Variants in SOX6 observed in about 807,000 individuals in gnomAD.
The protein encoded by SOX6 is transcription factor SOX-6.
A neutral mutation model predicts 97.8 loss-of-function variants in SOX6; 11 were observed. That is an observed-to-expected ratio of 0.11 (90% confidence interval 0.07 to 0.19). SOX6 has a LOEUF of 0.19. Among genes scored for constraint, SOX6 ranks in the 10% least tolerant of loss-of-function variants. The pLI, the probability that SOX6 is intolerant of heterozygous loss-of-function variation, is 1.00. For synonymous variants in SOX6, 360 were observed against 371.4 expected (o/e 0.97, Z 0.35); for missense variants, 810 against 1,039.5 (o/e 0.78, Z 3.04).
rs181927532 is a variant in SOX6 at position 16,703,491 on chromosome 11, C to T, written n.429+11339G>A. 7.7e-3 allele frequency among the ~76,000 whole-genome samples: 1,172 copies of T among 152,070 alleles called. 14 individuals are homozygous for T. The highest frequency in any genetic ancestry group is 0.027 in the African/African-American group (1,118 of 41,490). On this transcript the variant is annotated intron_variant and non_coding_transcript_variant, in intron 3 of 5. Coordinates refer to the SOX6 transcript ENST00000524520. ...CCGAAATTTTTTTTAAATACAAAGA[C>T]TTCTTTAAATTACAAAGACAGTTTT... is the stretch of plus-strand genomic sequence containing the variant.
At chr11:16,505,687 T>C (rs1860773934) in intron 4 of SOX6, among the ~76,000 whole-genome samples, 1 of 152,154 alleles carries the variant, frequency 6.6e-6, no homozygotes, top group Admixed American at 6.5e-5. Context: ...AACACCTGGA[T>C]GCCTAGAAGG....
chr11:16,508,672 T>C (rs1053934168), intron 4 of SOX6, among the ~76,000 whole-genome samples: 2 of 151,878 alleles, frequency 1.3e-5, no homozygotes, highest in African/African-American at 4.8e-5. Context: ...GACCCGAGGT[T>C]AGGAATGATG....
intron 4 of SOX6, among the ~76,000 whole-genome samples, chr11:16,187,670 A>C (rs1024296730): frequency 6.6e-6 from 1 of 152,202 alleles, no homozygotes; most frequent in Non-Finnish European, 1.5e-5. Flanking sequence ...AAACACATTC[A>C]AGGTTGAAAA....
intron 4 of SOX6, among the ~76,000 whole-genome samples, chr11:16,518,255 C>T (rs1310878814): frequency 6.6e-6 from 1 of 152,116 alleles, no homozygotes; most frequent in Non-Finnish European, 1.5e-5. Flanking sequence ...CATTTCCCTC[C>T]CTTCAGGGCT....
At chr11:16,364,859 G>T (rs369515444) in intron 1 of SOX6, among the ~76,000 whole-genome samples, 1 of 152,050 alleles carries the variant, frequency 6.6e-6, no homozygotes, top group African/African-American at 2.4e-5. Flanking sequence ...CAGATCCCAC[G>T]ATTTTGACAA....
intron 4 of SOX6, among the ~76,000 whole-genome samples, chr11:16,542,014 T>C (rs1425473838): frequency 6.6e-6 from 1 of 152,102 alleles, no homozygotes; most frequent in Non-Finnish European, 1.5e-5. Context: ...CACATGCACA[T>C]GTATGTTTAT....
chr11:15,975,321 GT>G (rs1272667606), intron 15 of SOX6, among the ~76,000 whole-genome samples: 1 of 152,204 alleles, frequency 6.6e-6, no homozygotes, highest in African/African-American at 2.4e-5. Context: ...TGCCTCATTG[GT>G]TTTTTTACTG....
intron 3 of SOX6, among the ~76,000 whole-genome samples, chr11:16,620,402 TA>T (rs914246537): frequency 3.9e-4 from 59 of 152,184 alleles, no homozygotes; most frequent in African/African-American, 1.3e-3. Flanking sequence ...CATGACGATA[TA>T]AAAAATTACA....
chr11:16,207,444 A>T (rs1590028631), intron 4 of SOX6, among the ~76,000 whole-genome samples: 1 of 151,966 alleles, frequency 6.6e-6, no homozygotes, highest in Admixed American at 6.5e-5. Context: ...AAATACAAAA[A>T]ATTAGCCAGG....
chr11:16,259,945 ATGTGTGTGTGTG>A (rs5789946), intron 3 of SOX6, among the ~76,000 whole-genome samples: 51 of 149,146 alleles, frequency 3.4e-4, no homozygotes, highest in African/African-American at 1.2e-3. Context: ...TGTCCCAAAT[ATGTGTGTGTGTG>A]TGTGTGTGTG....
intron 4 of SOX6, among the ~76,000 whole-genome samples, chr11:16,522,739 C>T (rs193202482): frequency 0.014 from 2,083 of 152,060 alleles, 52 homozygotes; most frequent in African/African-American, 0.048. Context: ...GAAACCCATC[C>T]CACGTGCGGA....
At chr11:16,107,413 A>G (rs1220927733) in intron 7 of SOX6, among the ~76,000 whole-genome samples, 1 of 143,036 alleles carries the variant, frequency 7.0e-6, no homozygotes, top group Admixed American at 6.9e-5. Flanking sequence ...ATGTATATAT[A>G]TATACATATA....
At chr11:16,595,909 C>A (rs999412292) in intron 4 of SOX6, among the ~76,000 whole-genome samples, 3 of 152,182 alleles carry the variant, frequency 2.0e-5, no homozygotes, top group African/African-American at 4.8e-5. Flanking sequence ...CCATCACTAT[C>A]ATTGTATAAT....
intron 4 of SOX6, among the ~76,000 whole-genome samples, chr11:16,483,440 G>A (rs1197010080): frequency 1.3e-5 from 2 of 152,048 alleles, no homozygotes; most frequent in African/African-American, 4.8e-5. Context: ...AAACTCAACT[G>A]TTAGTGGCAC....
Position 16,321,985 on chromosome 11 carries a change from C to G in SOX6, c.238-3332G>C, listed in dbSNP as rs1454523359. On this transcript the variant is annotated intron_variant, in intron 2 of 15. Coordinates refer to ENST00000683767, the MANE Select transcript of SOX6 (RefSeq NM_001367873.1). ...TAATAAACTTATAATAGGTTACTGTCTAATATGAAGTCAATAATGCCAACT... is the reference window on the plus strand; with the variant it reads ...TAATAAACTTATAATAGGTTACTGTGTAATATGAAGTCAATAATGCCAACT... 2.6e-5 allele frequency among the ~76,000 whole-genome samples: 4 copies of G among 151,800 alleles called. No homozygotes were observed. In the East Asian group the frequency reaches 7.8e-4, roughly 29 times the overall value.
At chr11:16,082,033 GC>G (rs1321740492) in intron 9 of SOX6, among the ~76,000 whole-genome samples, 1 of 152,174 alleles carries the variant, frequency 6.6e-6, no homozygotes, top group Non-Finnish European at 1.5e-5. Flanking sequence ...AGGAATAGCT[GC>G]TTTTATTCCT....
chr11:16,378,340 G>A (rs1004143042), intron 1 of SOX6, among the ~76,000 whole-genome samples: 1 of 152,026 alleles, frequency 6.6e-6, no homozygotes, highest in Non-Finnish European at 1.5e-5. Flanking sequence ...GGGGTAGGGG[G>A]AAAGACTTGA....
chr11:16,087,825 T>C (rs1482492021), intron 9 of SOX6, among the ~76,000 whole-genome samples: 4 of 152,188 alleles, frequency 2.6e-5, no homozygotes, highest in African/African-American at 7.2e-5. Flanking sequence ...GACTTTGTTT[T>C]ATTCATTGAT....
chr11:16,308,659 A>C (rs951308606), intron 3 of SOX6, among the ~76,000 whole-genome samples: 1 of 152,186 alleles, frequency 6.6e-6, no homozygotes, highest in African/African-American at 2.4e-5. Flanking sequence ...ATTTGAAGTA[A>C]GTATTTAAGT....
Sources: allele counts gnomAD v4.1 joint callset (sites outside exome capture counted in the v4.1 genomes callset), GRCh38; gene constraint gnomAD v4.1.1; transcripts MANE v1.5; gene names NCBI Gene and HGNC (gene_info 2026-07-23, HGNC 2026-07-21).